The following EPHA6 variants were observed in gnomAD, a reference collection of about 807,000 sequenced individuals.
EPHA6 encodes ephrin type-A receptor 6.
EPHA6 carries 50 observed loss-of-function variants against 112.0 expected under a neutral mutation model. The ratio of observed to expected loss-of-function variants is 0.45; its 90% CI spans 0.36 to 0.56. The LOEUF is 0.56. Among genes scored for constraint, EPHA6 ranks in the 20% least tolerant of loss-of-function variants. The pLI, the probability that EPHA6 is intolerant of heterozygous loss-of-function variation, is 0.00. For synonymous variants in EPHA6, 529 were observed against 490.7 expected, an observed-to-expected ratio of 1.08 and a Z score of -1.03; for missense variants, 1,280 against 1,417.4, an observed-to-expected ratio of 0.90 and a Z score of 1.56.
chr3:97,599,026 G>C (rs1405893261), intron 12 of EPHA6, among the ~76,000 whole-genome samples: 4 of 152,088 alleles, frequency 2.6e-5, no homozygotes, highest in Non-Finnish European at 5.9e-5. Context: ...GTGATGATGA[G>C]CATTTTTTCA....
intron 3 of EPHA6, among the ~76,000 whole-genome samples, chr3:97,121,002 C>A (rs973684821): frequency 6.6e-6 from 1 of 151,712 alleles, no homozygotes; most frequent in Admixed American, 6.6e-5. Flanking sequence ...TGTTACGTTC[C>A]TGCCAAGATC....
At chr3:97,004,405 C>CT (rs1293639734) in intron 3 of EPHA6, among the ~76,000 whole-genome samples, 1 of 152,130 alleles carries the variant, frequency 6.6e-6, no homozygotes, top group African/African-American at 2.4e-5. Flanking sequence ...TGCTGTTGAG[C>CT]TTTTTTTCAT....
chr3:96,965,045 G>T (rs1286561761), intron 2 of EPHA6, among the ~76,000 whole-genome samples: 2 of 152,158 alleles, frequency 1.3e-5, no homozygotes, highest in Non-Finnish European at 2.9e-5. Context: ...GAAATCGGAA[G>T]TGAGTTTCAG....
rs562841576 is a variant in EPHA6 at position 97,054,664 on chromosome 3, A to G, written c.1114+66671A>G. On this transcript the variant is annotated intron_variant, in intron 3 of 17. Transcript: ENST00000389672. ...TTTAGTTTTGAAAAACATCTTGAATATAACAATCAATAATAAGAAAGAAAT... is the reference window on the plus strand; with the variant it reads ...TTTAGTTTTGAAAAACATCTTGAATGTAACAATCAATAATAAGAAAGAAAT... Among the ~76,000 whole-genome samples, 45 of 151,598 alleles carry G rather than the reference A, an allele frequency of 3.0e-4. No homozygotes were observed. In the South Asian group the frequency reaches 7.5e-3, roughly 25 times the overall value.
chr3:97,391,055 A>C (rs2086366275), intron 5 of EPHA6, among the ~76,000 whole-genome samples: 2 of 152,106 alleles, frequency 1.3e-5, no homozygotes, highest in African/African-American at 4.8e-5. Context: ...CTGCATGTTC[A>C]AACTCTCACC....
In EPHA6 at chr3:97,754,712, A is replaced by G. The variant is rs1489638109; in HGVS notation, c.*6011A>G. Among the ~76,000 whole-genome samples the G allele has an allele frequency of 1.3e-5, 2 of 151,930 alleles. No individual in the cohort carries two copies. The highest frequency in any genetic ancestry group is 4.8e-5 in the African/African-American group (2 of 41,360). On this transcript the variant is annotated 3_prime_UTR_variant, in exon 18 of 18. Transcript: ENST00000389672. ...GTTTCCTTTATTTATTTATTTATTC[A>G]TTTATTTTTGAGACGGAGTCTCGCT... is the stretch of plus-strand genomic sequence containing the variant.
chr3:97,737,411 G>A (rs1244513290), intron 16 of EPHA6, among the ~76,000 whole-genome samples: 1 of 151,958 alleles, frequency 6.6e-6, no homozygotes, highest in Non-Finnish European at 1.5e-5. Flanking sequence ...GAGGTTGGGG[G>A]TCAGAAGATA....
chr3:97,272,687 C>A (rs1398157571), intron 5 of EPHA6, among the ~76,000 whole-genome samples: 2 of 151,872 alleles, frequency 1.3e-5, no homozygotes, highest in Admixed American at 1.3e-4. Context: ...AGTGGGGGAG[C>A]TTTTGAGCCA....
chr3:97,655,916 A>G (rs190315254), intron 14 of EPHA6, among the ~76,000 whole-genome samples: 2 of 152,188 alleles, frequency 1.3e-5, no homozygotes, highest in Non-Finnish European at 2.9e-5. Flanking sequence ...TAAAAAAAGA[A>G]GAGAAAGATC....
chr3:97,616,284 C>A (rs1009017876), intron 13 of EPHA6, among the ~76,000 whole-genome samples: 1 of 152,106 alleles, frequency 6.6e-6, no homozygotes, highest in Non-Finnish European at 1.5e-5. Context: ...AGGTCAGCAA[C>A]CTCAAAGATT....
chr3:96,898,523 T>C (rs980673850), intron 2 of EPHA6, among the ~76,000 whole-genome samples: 20 of 152,176 alleles, frequency 1.3e-4, no homozygotes, highest in Admixed American at 6.5e-5. Flanking sequence ...TTCTCAGTGC[T>C]TACCCATTCA....
chr3:97,407,413 A>G (rs2087425044), intron 6 of EPHA6, among the ~76,000 whole-genome samples: 2 of 151,798 alleles, frequency 1.3e-5, no homozygotes, highest in Admixed American at 1.3e-4. Flanking sequence ...CAGTATTCTT[A>G]ACATCATAAT....
intron 11 of EPHA6, among the ~76,000 whole-genome samples, chr3:97,548,861 A>T (rs2092993088): frequency 6.6e-6 from 1 of 152,238 alleles, no homozygotes; most frequent in Admixed American, 6.5e-5. Flanking sequence ...CATGCACCCC[A>T]TAACTATTTT....
At position 97,712,872 on chromosome 3, in the gene EPHA6, T is replaced by C. The variant is rs187630445; in HGVS notation, c.2785-7389T>C. 5.3e-4 allele frequency among the ~76,000 whole-genome samples: 80 copies of C among 152,274 alleles called. 1 individual carries two copies. In the East Asian group the frequency reaches 0.012, roughly 23 times the overall value. On this transcript the variant is annotated intron_variant, in intron 14 of 17. Coordinates refer to ENST00000389672, the MANE Select transcript of EPHA6 (RefSeq NM_001080448.3). ...TAAAAATGTAGTGTAGTTCTAAGTA[T>C]TGCAAATGAGGAGAGGAGGAGGAGA... is the stretch of plus-strand genomic sequence containing the variant.
chr3:97,000,974 CTTACT>C (rs1381703107), intron 3 of EPHA6, among the ~76,000 whole-genome samples: 1 of 137,220 alleles, frequency 7.3e-6, no homozygotes, highest in African/African-American at 2.9e-5. Flanking sequence ...CCCAAAGCTT[CTTACT>C]TTTTTTTTCT....
intron 12 of EPHA6, among the ~76,000 whole-genome samples, chr3:97,600,165 G>A (rs1188201982): frequency 4.0e-5 from 6 of 150,516 alleles, no homozygotes; most frequent in Non-Finnish European, 7.4e-5. Context: ...GGAGATTTTG[G>A]GCTGAGACAA....
chr3:97,010,165 A>G (rs1435556904), intron 3 of EPHA6: 7 of 1,048,034 alleles, frequency 6.7e-6, no homozygotes, highest in African/African-American at 1.7e-5. Context: ...TTGTGTTTTC[A>G]TTAAGAAGAC....
At chr3:97,717,121 C>G (rs2034277471) in intron 14 of EPHA6, among the ~76,000 whole-genome samples, 1 of 151,348 alleles carries the variant, frequency 6.6e-6, no homozygotes. Flanking sequence ...ATCCCAGCTA[C>G]TCGGGAGGCT....
At chr3:97,214,382 T>G (rs1053415674) in intron 3 of EPHA6, among the ~76,000 whole-genome samples, 1 of 151,446 alleles carries the variant, frequency 6.6e-6, no homozygotes, top group African/African-American at 2.4e-5. Flanking sequence ...GAAAGTTGGA[T>G]TGAATATTTT....
Sources: allele counts gnomAD v4.1 joint callset (sites outside exome capture counted in the v4.1 genomes callset), GRCh38; gene constraint gnomAD v4.1.1; transcripts MANE v1.5; gene names NCBI Gene and HGNC (gene_info 2026-07-23, HGNC 2026-07-21).